ATR: variants seen among roughly 807,000 people sequenced by gnomAD.
ATR encodes ATR checkpoint kinase, also known as serine/threonine-protein kinase ATR.
ATR carries 142 observed loss-of-function variants against 305.3 expected under a neutral mutation model. The ratio of observed to expected loss-of-function variants is 0.47; its 90% CI spans 0.41 to 0.53. ATR has a LOEUF of 0.53. ATR is among the 20% of genes least tolerant of loss of function. The pLI is 0.00. For missense variants in ATR, 2,135 were observed against 3,133.1 expected (o/e 0.68, Z 7.60); for synonymous variants, 1,050 against 1,068.1 (o/e 0.98, Z 0.33).
intron 25 of ATR, among the ~76,000 whole-genome samples, chr3:142,514,779 G>A (rs1268289268): frequency 2.8e-5 from 4 of 141,598 alleles, no homozygotes; most frequent in African/African-American, 1.1e-4. Context: ...CTGCACTCCG[G>A]CTGGGTGGCA....
At chr3:142,551,783 C>T (rs1295606762) in intron 13 of ATR, among the ~76,000 whole-genome samples, 1 of 152,162 alleles carries the variant, frequency 6.6e-6, no homozygotes. Context: ...ATCACAAAAA[C>T]ACCAAAAGCA....
At chr3:142,531,009 G>A (rs565611250) in intron 21 of ATR, among the ~76,000 whole-genome samples, 37 of 151,978 alleles carry the variant, frequency 2.4e-4, no homozygotes, top group Non-Finnish European at 2.9e-4. Context: ...GAACGTACCC[G>A]CTCTCAACAC....
At chr3:142,549,738 G>C (rs1343602630) in intron 14 of ATR, 65 bp from the exon 15 acceptor site, 1 of 1,452,700 alleles carries the variant, frequency 6.9e-7, no homozygotes, top group Non-Finnish European at 9.6e-7. Flanking sequence ...ATTCACATAA[G>C]CTATGTGCAA....
At chr3:142,553,536 T>C (rs1203724226) in intron 12 of ATR, 104 bp downstream of exon 12, 2 of 1,445,796 alleles carry the variant, frequency 1.4e-6, no homozygotes, top group Admixed American at 1.9e-5. Flanking sequence ...TCACATTTTG[T>C]CTATAATATC....
chr3:142,578,733 C>G lies in ATR; in HGVS notation c.-29G>C, dbSNP rs150284877. 5 of 1,608,368 alleles carry G rather than the reference C, an allele frequency of 3.1e-6. No individual in the cohort carries two copies. The highest frequency in any genetic ancestry group is 4.2e-6 in the Non-Finnish European group (5 of 1,178,030). On this transcript the variant is annotated 5_prime_UTR_variant, in exon 1 of 47. Transcript: ENST00000350721. ...GAGGCTGCGAGGCACTAGTCAACCA[C>G]GCCAACGCGGGTTCCCGGCGTCTCC...
rs145359918 is a variant in ATR, at chr3:142,489,370, C to A, written c.6078+3762G>T. The stretch of plus-strand genomic sequence containing the variant: ...TAAAGTAAAATTTTAAATCAACTTT[C>A]TTAAGACATATACACCCATGGAACC... On this transcript the variant is annotated intron_variant, in intron 35 of 46. Coordinates refer to ENST00000350721, the MANE Select transcript of ATR (RefSeq NM_001184.4). Among the ~76,000 whole-genome samples the A allele has an allele frequency of 2.8e-3, 433 of 152,162 alleles. 1 individual carries two copies. The highest frequency in any genetic ancestry group is 0.01 in the African/African-American group (416 of 41,526).
chr3:142,578,163 A>T (rs975132212), intron 1 of ATR, among the ~76,000 whole-genome samples: 2 of 152,230 alleles, frequency 1.3e-5, no homozygotes, highest in Non-Finnish European at 2.9e-5. Flanking sequence ...TGTCACTTGC[A>T]GAAAATGAGA....
At chr3:142,511,989 G>A (rs1169425211) in intron 27 of ATR, among the ~76,000 whole-genome samples, 1 of 151,060 alleles carries the variant, frequency 6.6e-6, no homozygotes, top group Non-Finnish European at 1.5e-5. Flanking sequence ...GTGGTGGTGG[G>A]CACCTGTAAT....
chr3:142,507,883 C>G (rs1198922195), intron 28 of ATR, 48 bp downstream of exon 28: 1 of 1,488,738 alleles, frequency 6.7e-7, no homozygotes, highest in East Asian at 2.3e-5. Context: ...ACATAAAAGA[C>G]TGGCCACATT....
Position 142,560,446 on chromosome 3 carries a change from T to A in ATR, c.1358A>T (p.His453Leu). 8.7e-6 allele frequency: 14 copies of A among 1,608,162 alleles called. No homozygotes were observed. The highest frequency in any genetic ancestry group is 1.2e-5 in the Non-Finnish European group (14 of 1,174,672). ...RAPKQTEEIK[H>L]VDMNQKSILW... The stretch of plus-strand genomic sequence containing the variant: ...TATGCTCTTTTGGTTCATGTCCACA[T>A]GTTTAATTCTATAATTATGAATATA... Residue 453 changes from histidine to leucine, a missense_variant, in exon 6 of 47, where the codon CAT (histidine) becomes CTT (leucine). By Grantham distance (99) the His-to-Leu change is moderately conservative (BLOSUM62 -3). This residue lies in a region of ATR where 744 missense variants were observed against 873.2 expected (regional missense o/e 0.85). Coordinates refer to ENST00000350721, the MANE Select transcript of ATR (RefSeq NM_001184.4).
intron 15 of ATR, among the ~76,000 whole-genome samples, chr3:142,548,741 A>G (rs1026097739): frequency 3.3e-5 from 5 of 152,246 alleles, no homozygotes; most frequent in Non-Finnish European, 5.9e-5. Context: ...GAAATGATCC[A>G]TATCAATTGT....
intron 36 of ATR, chr3:142,472,015 A>G (rs2071283481): frequency 6.6e-6 from 1 of 152,052 alleles, no homozygotes; most frequent in African/African-American, 2.4e-5. Flanking sequence ...CACTTAGAAT[A>G]ATCTCCAGGT....
rs771185705 is a variant in ATR at position 142,449,407 on chromosome 3, T to C, written c.*22A>G. On this transcript the variant is annotated 3_prime_UTR_variant, in exon 47 of 47. Coordinates refer to ENST00000350721, the MANE Select transcript of ATR (RefSeq NM_001184.4). The stretch of plus-strand genomic sequence containing the variant: ...ATGCATTACTTTTAGATTATTAACA[T>C]ATTCTTTTACATAATTTCATTTCAC... The C allele has an allele frequency of 1.1e-5, 18 of 1,577,918 alleles. 1 individual carries two copies. In the East Asian group the frequency reaches 1.3e-4, roughly 12 times the overall value.
At chr3:142,536,355 T>C (rs2033860856) in intron 19 of ATR, among the ~76,000 whole-genome samples, 154 bp from the exon 20 acceptor site, 1 of 152,242 alleles carries the variant, frequency 6.6e-6, no homozygotes, top group African/African-American at 2.4e-5. Context: ...ATGTCTAAGA[T>C]GCTCAGCTAA....
At chr3:142,471,264 T>C (rs1002075444) in intron 36 of ATR, among the ~76,000 whole-genome samples, 4 of 152,216 alleles carry the variant, frequency 2.6e-5, no homozygotes, top group Non-Finnish European at 5.9e-5. Flanking sequence ...TCATCTATGT[T>C]GTACCATATG....
chr3:142,460,431 T>C (rs1232799654), intron 42 of ATR, among the ~76,000 whole-genome samples: 2 of 152,138 alleles, frequency 1.3e-5, no homozygotes, highest in Non-Finnish European at 2.9e-5. Flanking sequence ...ATCCAGTGAC[T>C]GGTGTTCTTA....
chr3:142,548,769 A>G (rs1451339896), intron 15 of ATR, among the ~76,000 whole-genome samples: 1 of 152,192 alleles, frequency 6.6e-6, no homozygotes, highest in African/African-American at 2.4e-5. Context: ...AATTTCTGAC[A>G]TGTATTAAAT....
At chr3:142,553,591 G>A (rs2108464069) in intron 12 of ATR, 49 bp downstream of exon 12, 7 of 1,532,066 alleles carry the variant, frequency 4.6e-6, no homozygotes, top group Non-Finnish European at 6.3e-6. Flanking sequence ...AATAAAAATG[G>A]AGAATGGCCA....
At chr3:142,481,099 C>T (rs914411168) in intron 36 of ATR, among the ~76,000 whole-genome samples, 1 of 152,218 alleles carries the variant, frequency 6.6e-6, no homozygotes, top group Non-Finnish European at 1.5e-5. Flanking sequence ...CTGTCCTGCA[C>T]CCACTGTCTG....
Sources: allele counts gnomAD v4.1 joint callset (sites outside exome capture counted in the v4.1 genomes callset), GRCh38; gene constraint gnomAD v4.1.1; regional missense constraint gnomAD v4.1.1; transcripts MANE v1.5; gene names NCBI Gene and HGNC (gene_info 2026-07-23, HGNC 2026-07-21).